GPC6: variants seen among roughly 807,000 people sequenced by gnomAD.
The protein encoded by GPC6 is glypican-6.
Under a neutral mutation model 55.2 loss-of-function variants are expected in GPC6, and 14 were observed. The observed-to-expected ratio is 0.25, with a 90% CI of 0.17 to 0.40. The LOEUF (loss-of-function observed/expected upper bound fraction) is 0.40. Among genes scored for constraint, GPC6 ranks in the 10% least tolerant of loss-of-function variants. The pLI is 1.00. For synonymous variants in GPC6, 278 were observed against 259.6 expected, an observed-to-expected ratio of 1.07 and a Z score of -0.68; for missense variants, 641 against 708.5, an observed-to-expected ratio of 0.90 and a Z score of 1.08.
chr13:94,235,050 A>T (rs1027767510), intron 4 of GPC6, among the ~76,000 whole-genome samples: 14 of 152,168 alleles, frequency 9.2e-5, no homozygotes, highest in Non-Finnish European at 1.8e-4. Flanking sequence ...TAGAGTTAAC[A>T]AGGCTGTACT....
intron 2 of GPC6, among the ~76,000 whole-genome samples, chr13:93,570,653 A>C (rs1445256): frequency 0.024 from 3,727 of 152,296 alleles, 90 homozygotes; most frequent in South Asian, 0.087. Context: ...AGTAGATATC[A>C]CAGGAAGTAA....
chr13:94,341,814 C>A (rs1274664038), intron 6 of GPC6, among the ~76,000 whole-genome samples: 1 of 152,034 alleles, frequency 6.6e-6, no homozygotes, highest in Non-Finnish European at 1.5e-5. Flanking sequence ...GTTCACAGAC[C>A]AGCAATTAAT....
chr13:93,739,260 A>G (rs1235915715), intron 2 of GPC6, among the ~76,000 whole-genome samples: 1 of 152,176 alleles, frequency 6.6e-6, no homozygotes, highest in Non-Finnish European at 1.5e-5. Context: ...AAAACTAGTT[A>G]GGTGATGAAT....
Position 93,754,515 on chromosome 13 carries a change from G to T in GPC6, c.320-75639G>T, listed in dbSNP as rs1171068600. On this transcript the variant is annotated intron_variant, in intron 2 of 8. Transcript: ENST00000377047. ...CCAGTACAAGAAAATGACACATATG[G>T]CTGAGTAGCAGGGTGCATTAGGTAA... Among the ~76,000 whole-genome samples, 8 of 152,000 alleles carry T rather than the reference G, an allele frequency of 5.3e-5. 1 individual carries two copies. Among genetic ancestry groups the T allele is most frequent in the African/African-American group, 1.9e-4 (8 of 41,394 alleles).
chr13:93,769,571 C>G (rs1885225912), intron 2 of GPC6, among the ~76,000 whole-genome samples: 1 of 152,194 alleles, frequency 6.6e-6, no homozygotes, highest in Non-Finnish European at 1.5e-5. Flanking sequence ...CTCCTCTTCT[C>G]CTGATATCCA....
chr13:94,229,476 C>G (rs1890655027), intron 4 of GPC6, among the ~76,000 whole-genome samples: 1 of 152,152 alleles, frequency 6.6e-6, no homozygotes, highest in Non-Finnish European at 1.5e-5. Context: ...AGCATAATAA[C>G]CACTTGAAAC....
chr13:93,275,039 C>T (rs1877678767), intron 1 of GPC6, among the ~76,000 whole-genome samples: 2 of 152,116 alleles, frequency 1.3e-5, no homozygotes, highest in Non-Finnish European at 2.9e-5. Flanking sequence ...ATATTCCAGC[C>T]TACTGAATTT....
intron 2 of GPC6, among the ~76,000 whole-genome samples, chr13:93,765,672 A>G (rs1280504955): frequency 6.6e-6 from 1 of 152,204 alleles, no homozygotes; most frequent in Admixed American, 6.5e-5. Flanking sequence ...TCACAGTGGT[A>G]AATTACATAG....
intron 2 of GPC6, among the ~76,000 whole-genome samples, chr13:93,582,024 G>A (rs1161987592): frequency 2.6e-5 from 4 of 152,228 alleles, no homozygotes; most frequent in African/African-American, 9.6e-5. Flanking sequence ...TATGCAGAGA[G>A]AGACGGTTCA....
intron 4 of GPC6, among the ~76,000 whole-genome samples, chr13:94,228,204 G>A (rs927074785): frequency 6.6e-6 from 1 of 152,122 alleles, no homozygotes; most frequent in East Asian, 1.9e-4. Context: ...CTTATGCAGA[G>A]TAATCCTTTA....
At chr13:93,326,450 G>A (rs1353504787) in intron 1 of GPC6, among the ~76,000 whole-genome samples, 5 of 151,832 alleles carry the variant, frequency 3.3e-5, no homozygotes, top group African/African-American at 7.3e-5. Flanking sequence ...CTACACACAC[G>A]CACACGCACA....
chr13:93,740,191 CTA>C (rs1884154465), intron 2 of GPC6, among the ~76,000 whole-genome samples: 1 of 114,144 alleles, frequency 8.8e-6, no homozygotes, highest in Non-Finnish European at 1.6e-5. Context: ...GCACATTGTT[CTA>C]TGTCGTAAGG....
intron 4 of GPC6, among the ~76,000 whole-genome samples, chr13:94,213,443 G>A (rs901256567): frequency 6.6e-6 from 1 of 152,188 alleles, no homozygotes; most frequent in Admixed American, 6.5e-5. Flanking sequence ...TCCAAACAAA[G>A]TGGTTTAGAA....
intron 4 of GPC6, among the ~76,000 whole-genome samples, chr13:94,122,419 A>G (rs151001088): frequency 6.6e-6 from 1 of 152,222 alleles, no homozygotes; most frequent in Non-Finnish European, 1.5e-5. Flanking sequence ...AATATTTTAA[A>G]GTGTGTATTA....
At chr13:93,996,580 A>G (rs1203359153) in intron 3 of GPC6, among the ~76,000 whole-genome samples, 3 of 152,124 alleles carry the variant, frequency 2.0e-5, no homozygotes, top group Non-Finnish European at 2.9e-5. Flanking sequence ...CAAAACATTT[A>G]ATAGTTGAAA....
chr13:94,038,706 C>T (rs1883424593), intron 4 of GPC6, among the ~76,000 whole-genome samples: 1 of 151,872 alleles, frequency 6.6e-6, no homozygotes, highest in Non-Finnish European at 1.5e-5. Flanking sequence ...GGCACATTCA[C>T]AGAGCACTGA....
chr13:93,904,315 G>C (rs73553741), intron 3 of GPC6, among the ~76,000 whole-genome samples: 2,956 of 152,128 alleles, frequency 0.019, 98 homozygotes, highest in African/African-American at 0.068. Context: ...AGCTGCAAAG[G>C]AAAAGATGCA....
chr13:93,536,353 C>T (rs1882062087), intron 1 of GPC6, among the ~76,000 whole-genome samples: 1 of 152,024 alleles, frequency 6.6e-6, no homozygotes, highest in Non-Finnish European at 1.5e-5. Context: ...TTCATCTTCC[C>T]AGCCTGAAAT....
intron 6 of GPC6, among the ~76,000 whole-genome samples, chr13:94,337,102 C>A (rs998044812): frequency 1.2e-4 from 18 of 152,294 alleles, no homozygotes; most frequent in African/African-American, 4.1e-4. Flanking sequence ...GGCCACCAGC[C>A]TCAGCATCCC....
Sources: allele counts gnomAD v4.1 joint callset (sites outside exome capture counted in the v4.1 genomes callset), GRCh38; gene constraint gnomAD v4.1.1; transcripts MANE v1.5; gene names NCBI Gene and HGNC (gene_info 2026-07-23, HGNC 2026-07-21).